CTTNBP2NL: variants seen among roughly 807,000 people sequenced by gnomAD.
CTTNBP2NL encodes the protein CTTNBP2 N-terminal-like protein.
CTTNBP2NL carries 16 observed loss-of-function variants against 32.5 expected under a neutral mutation model. The observed-to-expected ratio is 0.49, with a 90% CI of 0.33 to 0.75. CTTNBP2NL has a LOEUF of 0.75. Among genes scored for constraint, CTTNBP2NL ranks in the 30% least tolerant of loss-of-function variants. The pLI is 0.02. For synonymous variants in CTTNBP2NL, 298 were observed against 289.4 expected (o/e 1.03, Z -0.30); for missense variants, 645 against 756.0 (o/e 0.85, Z 1.72).
At chr1:112,417,936 A>T (rs1181323384) in intron 3 of CTTNBP2NL, among the ~76,000 whole-genome samples, 1 of 152,062 alleles carries the variant, frequency 6.6e-6, no homozygotes, top group African/African-American at 2.4e-5. Flanking sequence ...GTTGGACTTT[A>T]TGAACTACTA....
intron 1 of CTTNBP2NL, among the ~76,000 whole-genome samples, chr1:112,408,144 A>G (rs1648736898): frequency 6.6e-6 from 1 of 151,530 alleles, no homozygotes; most frequent in South Asian, 2.1e-4. Flanking sequence ...ACGCCCTTCA[A>G]AAACAGCTTT....
At chr1:112,434,738 C>A (rs2483346) in intron 3 of CTTNBP2NL, among the ~76,000 whole-genome samples, 1 of 152,016 alleles carries the variant, frequency 6.6e-6, no homozygotes, top group South Asian at 2.1e-4. Flanking sequence ...AATCTGACCT[C>A]TGTAGCCAAA....
At chr1:112,401,715 T>C (rs1328589137) in intron 1 of CTTNBP2NL, among the ~76,000 whole-genome samples, 2 of 152,036 alleles carry the variant, frequency 1.3e-5, no homozygotes, top group African/African-American at 4.8e-5. Context: ...GGCGGGAGTT[T>C]GTGGGTTGAA....
At chr1:112,411,215 C>T (rs761448752) in intron 1 of CTTNBP2NL, among the ~76,000 whole-genome samples, 9 of 152,150 alleles carry the variant, frequency 5.9e-5, no homozygotes, top group African/African-American at 1.4e-4. Flanking sequence ...CAAGGACTTA[C>T]TGCAGCATTA....
At position 112,454,575 on chromosome 1, in the gene CTTNBP2NL, T is replaced by C; in HGVS notation, c.438+19T>C. 1 of 1,484,924 alleles carries C rather than the reference T, an allele frequency of 6.7e-7. No individual in the cohort carries two copies. The highest frequency in any genetic ancestry group is 9.4e-7 in the Non-Finnish European group (1 of 1,062,316). The allele number at this position is 1,484,924 out of a possible 1,614,324, so 92.0% of individuals were successfully genotyped here. A position where few individuals can be genotyped will look rare whatever the true frequency, so the allele number is the denominator to read the frequency against. On this transcript the variant is annotated intron_variant, in intron 5 of 5. Transcript: ENST00000271277. ...TCAACAGGTAATTAAGGTAGAGGGA[T>C]TCACAGTAGCATTTGCCTGGAACAG...
chr1:112,447,290 A>G (rs966305292), intron 3 of CTTNBP2NL, among the ~76,000 whole-genome samples: 2 of 151,164 alleles, frequency 1.3e-5, no homozygotes, highest in Non-Finnish European at 3.0e-5. Flanking sequence ...AAAAAAAAAA[A>G]AAAAAAAGTA....
intron 1 of CTTNBP2NL, among the ~76,000 whole-genome samples, chr1:112,410,862 G>T (rs1177755335): frequency 2.6e-5 from 4 of 152,168 alleles, no homozygotes; most frequent in Admixed American, 2.0e-4. Flanking sequence ...GCATCTAGTT[G>T]AACTGATCTT....
chr1:112,454,618 T>C, intron 5 of CTTNBP2NL, 62 bp downstream of exon 5: 1 of 1,212,466 alleles, frequency 8.2e-7, no homozygotes, highest in African/African-American at 1.5e-5. Flanking sequence ...CAAAGATTAT[T>C]CTGCAGGATG....
chr1:112,428,672 T>C (rs148395862), intron 3 of CTTNBP2NL, among the ~76,000 whole-genome samples: 1,665 of 152,218 alleles, frequency 0.011, 42 homozygotes, highest in African/African-American at 0.038. Context: ...TACACACCCA[T>C]ATACGTATAT....
chr1:112,425,997 G>GTCTGTC (rs1333616194), intron 3 of CTTNBP2NL, among the ~76,000 whole-genome samples: 58 of 132,396 alleles, frequency 4.4e-4, no homozygotes, highest in African/African-American at 1.5e-3. Context: ...GTGTGTGTGT[G>GTCTGTC]TGTGTGTCTG....
intron 3 of CTTNBP2NL, among the ~76,000 whole-genome samples, chr1:112,437,414 C>T (rs1336238471): frequency 6.6e-6 from 1 of 152,210 alleles, no homozygotes; most frequent in African/African-American, 2.4e-5. Context: ...TGCTTGTTGG[C>T]CACATGTATG....
chr1:112,437,105 C>T lies in CTTNBP2NL; in HGVS notation c.100-11837C>T, dbSNP rs540726662. On this transcript the variant is annotated intron_variant, in intron 3 of 5. Transcript: ENST00000271277. ...AGAATAGTGCTGCAGTGGATATTCA[C>T]GTGCATGTCTTTATGGTAGAATGAC... is the stretch of plus-strand genomic sequence containing the variant. 1.5e-3 allele frequency among the ~76,000 whole-genome samples: 232 copies of T among 152,266 alleles called. 1 individual carries two copies. Among genetic ancestry groups the T allele is most frequent in the African/African-American group, 5.3e-3 (221 of 41,550 alleles).
At chr1:112,454,675 A>G in intron 5 of CTTNBP2NL, 119 bp downstream of exon 5, 3 of 769,822 alleles carry the variant, frequency 3.9e-6, no homozygotes, top group Non-Finnish European at 6.7e-6. Context: ...AAATAAGTTT[A>G]GGAACTACTG....
intron 3 of CTTNBP2NL, among the ~76,000 whole-genome samples, chr1:112,432,392 C>A (rs865814044): frequency 2.6e-5 from 4 of 151,918 alleles, no homozygotes; most frequent in African/African-American, 9.7e-5. Flanking sequence ...AAAATACTTA[C>A]TGATGATGGA....
intron 3 of CTTNBP2NL, among the ~76,000 whole-genome samples, chr1:112,442,339 TCTCAAA>T (rs1191289097): frequency 2.6e-5 from 4 of 152,220 alleles, no homozygotes; most frequent in Non-Finnish European, 4.4e-5. Flanking sequence ...GCCAGACTGG[TCTCAAA>T]CTCCTGACTT....
intron 2 of CTTNBP2NL, among the ~76,000 whole-genome samples, chr1:112,415,510 A>G (rs1333727592): frequency 6.6e-6 from 1 of 151,802 alleles, no homozygotes; most frequent in East Asian, 1.9e-4. Flanking sequence ...ATTCATTATA[A>G]CACAATTTTA....
At chr1:112,393,116 C>CCAAAGTGCT (rs1157768252), upstream of CTTNBP2NL, among the ~76,000 whole-genome samples, 1 of 152,114 alleles carries the variant, frequency 6.6e-6, no homozygotes, top group African/African-American at 2.4e-5. Context: ...CCTCAGCCTC[C>CCAAAGTGCT]CAAAGTGCTA....
intron 4 of CTTNBP2NL, among the ~76,000 whole-genome samples, chr1:112,450,118 T>C (rs558569351): frequency 2.0e-5 from 3 of 152,342 alleles, no homozygotes; most frequent in African/African-American, 7.2e-5. Context: ...CTGCAAAATT[T>C]GGTGGACCTT....
At position 112,456,028 on chromosome 1, in the gene CTTNBP2NL, C is replaced by T. The variant is rs1650351032; in HGVS notation, c.536C>T (p.Ser179Leu). 6.2e-7 allele frequency: 1 copy of T among 1,614,156 alleles called. No individual in the cohort carries two copies. The highest frequency in any genetic ancestry group is 8.5e-7 in the Non-Finnish European group (1 of 1,180,020). ...EEERSRHKQL[S>L]SMLVLECKKA... ...GAGCGCTCCCGCCACAAGCAGCTCT[C>T]ATCCATGCTAGTGCTTGAGTGCAAG... The change falls in exon 6 of 6, where the codon TCA (serine) becomes TTA (leucine). Residue 179 changes from serine (S) to leucine (L), a missense_variant. Ser to Leu is a moderately radical substitution (Grantham distance 145, BLOSUM62 -2). Transcript: ENST00000271277.
Sources: allele counts gnomAD v4.1 joint callset (sites outside exome capture counted in the v4.1 genomes callset), GRCh38; gene constraint gnomAD v4.1.1; transcripts MANE v1.5; gene names NCBI Gene and HGNC (gene_info 2026-07-23, HGNC 2026-07-21).